The following TMC3 variants were observed in gnomAD, a reference collection of about 807,000 sequenced individuals.
The protein encoded by TMC3 is transmembrane channel-like protein 3.
In TMC3, 98 loss-of-function variants were observed where a neutral mutation model predicts 110.6. That is an observed-to-expected ratio of 0.89 (90% confidence interval 0.75 to 1.05). The LOEUF (loss-of-function observed/expected upper bound fraction) is 1.05. TMC3 is among the 50% of genes least tolerant of loss of function. TMC3 has a pLI of 0.00. For synonymous variants in TMC3, 489 were observed against 513.1 expected (o/e 0.95, Z 0.63); for missense variants, 1,319 against 1,373.2 (o/e 0.96, Z 0.62).
At chr15:81,348,154 G>T (rs1404133476) in intron 11 of TMC3, among the ~76,000 whole-genome samples, 1 of 152,374 alleles carries the variant, frequency 6.6e-6, no homozygotes, top group East Asian at 1.9e-4. Flanking sequence ...GATAGAGACT[G>T]TGTGACCCAC....
At position 81,333,951 on chromosome 15, in the gene TMC3, C is replaced by G. The variant is rs143507752; in HGVS notation, c.2460-689G>C. 2.0e-3 allele frequency among the ~76,000 whole-genome samples: 310 copies of G among 151,688 alleles called. 3 individuals are homozygous for G. Among genetic ancestry groups the G allele is most frequent in the Admixed American group, 0.018 (270 of 15,246 alleles). ...GTTGCAGTGGGTCGAGATTGCACCA[C>G]TGCACTCCAGCCTGGGTGACAAGAG... is the stretch of plus-strand genomic sequence containing the variant. On this transcript the variant is annotated intron_variant, in intron 21 of 21. Coordinates refer to ENST00000359440, the MANE Select transcript of TMC3 (RefSeq NM_001080532.3).
chr15:81,358,537 G>A (rs1269775867), intron 5 of TMC3, 37 bp from the exon 6 acceptor site: 1 of 1,538,632 alleles, frequency 6.5e-7, no homozygotes, highest in Non-Finnish European at 8.8e-7. Context: ...TGGTCCTCTG[G>A]GTGGGAGGGG....
At position 81,359,374 on chromosome 15, in the gene TMC3, G is replaced by T; in HGVS notation, c.492C>A (p.Val164=). Reference sequence around the variant, plus strand: ...TCCTGAAACATCTTACCTCTGGAATGACAATAAAAGCACCTGTCATAATGG... The same window carrying T: ...TCCTGAAACATCTTACCTCTGGAATTACAATAAAAGCACCTGTCATAATGG... ...VLTIMTGAFI[V]IPELIAGQPF... The change falls in exon 5 of 22, where the codon GTC becomes GTA. Residue 164 remains valine, a synonymous_variant. Transcript: ENST00000359440. The T allele has an allele frequency of 1.3e-6, 2 of 1,599,754 alleles. No homozygotes were observed. Among genetic ancestry groups the T allele is most frequent in the South Asian group, 1.1e-5 (1 of 87,524 alleles).
intron 5 of TMC3, 119 bp from the exon 6 acceptor site, chr15:81,358,619 G>A (rs1894119120): frequency 1.3e-6 from 1 of 747,456 alleles, no homozygotes; most frequent in Non-Finnish European, 2.1e-6. Context: ...TCCAGGGGGT[G>A]GATTTCTGCT....
At chr15:81,343,051 G>A (rs913219929) in intron 15 of TMC3, 2 of 462,052 alleles carry the variant, frequency 4.3e-6, no homozygotes, top group South Asian at 3.7e-5. Flanking sequence ...TTTCGGCTGC[G>A]ACCAATAGTA....
Position 81,362,302 on chromosome 15 carries a change from C to G in TMC3, c.313-1G>C. 6.2e-7 allele frequency: 1 copy of G among 1,610,682 alleles called. No individual in the cohort carries two copies. The highest frequency in any genetic ancestry group is 8.5e-7 in the Non-Finnish European group (1 of 1,178,230). ...CGAGACGAGCAAATTTCCGCCAGAG[C>G]TAGACAAGAGGGGTCAGGATTAGAG... On this transcript the variant is annotated splice_acceptor_variant, in intron 3 of 21. Coordinates refer to ENST00000359440, the MANE Select transcript of TMC3 (RefSeq NM_001080532.3). LOFTEE classifies it high-confidence loss of function.
In TMC3 at chr15:81,339,407, A is replaced by T. The variant is rs768431728; in HGVS notation, c.1942T>A (p.Cys648Ser). ...AACGAAACTTACCTGAATGGCCCAC[A>T]GTTTAGAGATGGCTTGTATCGGACA... ...AIVRYKPSLNCGPFSGQEKIY... is the reference protein window; with the variant it reads ...AIVRYKPSLNSGPFSGQEKIY... Residue 648 changes from cysteine (C) to serine (S), a missense_variant, in exon 17 of 22, where the codon TGT becomes AGT. Cys to Ser is a moderately radical substitution (Grantham distance 112). Coordinates refer to ENST00000359440, the MANE Select transcript of TMC3 (RefSeq NM_001080532.3). 3.7e-6 allele frequency: 6 copies of T among 1,610,306 alleles called. No homozygotes were observed. Among genetic ancestry groups the T allele is most frequent in the Non-Finnish European group, 5.1e-6 (6 of 1,178,228 alleles).
chr15:81,354,266 T>C (rs1894010962), intron 9 of TMC3, among the ~76,000 whole-genome samples: 2 of 151,740 alleles, frequency 1.3e-5, no homozygotes, highest in Admixed American at 1.3e-4. Context: ...GGAGTGGAGG[T>C]TGATCCCAGA....
In TMC3 at chr15:81,341,385, C is replaced by T; in HGVS notation, c.1844+5G>A. 1 of 1,607,932 alleles carries T rather than the reference C, an allele frequency of 6.2e-7. No homozygotes were observed. The highest frequency in any genetic ancestry group is 8.5e-7 in the Non-Finnish European group (1 of 1,176,814). On this transcript the variant is annotated splice_donor_5th_base_variant and intron_variant, in intron 16 of 21. Coordinates refer to ENST00000359440, the MANE Select transcript of TMC3 (RefSeq NM_001080532.3). Reference sequence around the variant, plus strand: ...TCTGCATGATCAGATCTTATTCTTACTCACCTTGAGGCTCGAAATACTTGC... The same window carrying T: ...TCTGCATGATCAGATCTTATTCTTATTCACCTTGAGGCTCGAAATACTTGC...
At chr15:81,344,575 A>G (rs1268459255) in intron 13 of TMC3, among the ~76,000 whole-genome samples, 191 bp downstream of exon 13, 1 of 152,242 alleles carries the variant, frequency 6.6e-6, no homozygotes, top group Non-Finnish European at 1.5e-5. Context: ...GACAGGACCC[A>G]GCATGCGGTC....
intron 9 of TMC3, among the ~76,000 whole-genome samples, chr15:81,354,670 C>G (rs1894020733): frequency 6.6e-6 from 1 of 152,046 alleles, no homozygotes; most frequent in African/African-American, 2.4e-5. Flanking sequence ...AAAAGTATGG[C>G]CAAGAGGATT....
chr15:81,354,882 A>G (rs902189052), intron 9 of TMC3, among the ~76,000 whole-genome samples: 1 of 151,830 alleles, frequency 6.6e-6, no homozygotes, highest in Non-Finnish European at 1.5e-5. Context: ...ATTATTATCA[A>G]CTCTGGTGGA....
chr15:81,353,066 C>T (rs1170590197), intron 9 of TMC3, among the ~76,000 whole-genome samples: 1 of 152,186 alleles, frequency 6.6e-6, no homozygotes, highest in Non-Finnish European at 1.5e-5. Flanking sequence ...AGGTGATCTG[C>T]CCGCCTCGGC....
chr15:81,346,539 A>G (rs1205067877), intron 11 of TMC3, 96 bp from the exon 12 acceptor site: 1 of 1,219,730 alleles, frequency 8.2e-7, no homozygotes, highest in Non-Finnish European at 1.2e-6. Context: ...TCATGGATAT[A>G]TTAAGGCAGT....
chr15:81,341,665 G>C, intron 15 of TMC3, 147 bp from the exon 16 acceptor site: 1 of 707,388 alleles, frequency 1.4e-6, no homozygotes, highest in Admixed American at 3.2e-5. Flanking sequence ...GAAGTCCCGA[G>C]ACCACAACCC....
rs1473170819 is a variant in TMC3 at position 81,346,340 on chromosome 15, G to A, written c.1272+25C>T. 2.5e-6 allele frequency: 4 copies of A among 1,607,576 alleles called. No individual in the cohort carries two copies. The Admixed American group carries it at 6.7e-5, about 27-fold the overall frequency. ...AGCAGAGAGGGCAGAGGTGGGGCAG[G>A]CAACTATCTGGGATGGGCACTCACC... On this transcript the variant is annotated intron_variant, in intron 12 of 21. Coordinates refer to ENST00000359440, the MANE Select transcript of TMC3 (RefSeq NM_001080532.3).
rs1233793254 is a variant in TMC3 at position 81,337,794 on chromosome 15, C to T, written c.2160+52G>A. 4 of 1,474,274 alleles carry T rather than the reference C, an allele frequency of 2.7e-6. No individual in the cohort carries two copies. In the Admixed American group the frequency reaches 6.7e-5, roughly 25 times the overall value. 91.3% of individuals were successfully genotyped at this position (1,474,274 alleles called of 1,614,324 possible). On this transcript the variant is annotated intron_variant, in intron 19 of 21. Transcript: ENST00000359440. ...TTGTATTCCCACGCTGGCGGGATCT[C>T]AGTCATGTGGTTGACACATATTCAT...
intron 3 of TMC3, among the ~76,000 whole-genome samples, chr15:81,365,962 C>A (rs1894307237): frequency 6.6e-6 from 1 of 152,056 alleles, no homozygotes; most frequent in African/African-American, 2.4e-5. Flanking sequence ...ATATGTGATA[C>A]ATGCACATAT....
In TMC3 at chr15:81,360,972, C is replaced by CTTT. The variant is rs59270312; in HGVS notation, c.394+1245_394+1247dup. On this transcript the variant is annotated intron_variant, in intron 4 of 21. Coordinates refer to ENST00000359440, the MANE Select transcript of TMC3 (RefSeq NM_001080532.3). Reference sequence around the variant, plus strand: ...TTTGTTTAGTTTATTACGGTTTTCTCTTTTTTTTTTTTTTTTGGAAACGGA... The same window carrying CTTT: ...TTTGTTTAGTTTATTACGGTTTTCTCTTTTTTTTTTTTTTTTTTTGGAAACGGA... 1.5e-3 allele frequency among the ~76,000 whole-genome samples: 206 copies of CTTT among 134,162 alleles called. 2 individuals are homozygous for CTTT. Among genetic ancestry groups the CTTT allele is most frequent in the African/African-American group, 5.3e-3 (199 of 37,240 alleles). 88.0% of individuals were successfully genotyped at this position (134,162 alleles called of 152,430 possible).
Sources: gnomAD v4.1 joint callset for allele counts (sites outside exome capture counted in the v4.1 genomes callset) on GRCh38, gnomAD v4.1.1 for gene constraint, MANE v1.5 for transcripts, NCBI Gene and HGNC (gene_info 2026-07-23, HGNC 2026-07-21) for gene names.